The following PLA2G4A variants were observed in gnomAD, a reference collection of about 807,000 sequenced individuals.
PLA2G4A encodes the protein phospholipase A2 group IVA.
In PLA2G4A, 40 loss-of-function variants were observed where a neutral mutation model predicts 81.9. The ratio of observed to expected loss-of-function variants is 0.49; its 90% CI spans 0.38 to 0.64. The LOEUF (loss-of-function observed/expected upper bound fraction) is 0.64. PLA2G4A is among the 30% of genes least tolerant of loss of function. The pLI, the probability that PLA2G4A is intolerant of heterozygous loss-of-function variation, is 0.00. For missense variants in PLA2G4A, 715 were observed against 905.1 expected (o/e 0.79, Z 2.69); for synonymous variants, 302 against 296.9 (o/e 1.02, Z -0.18).
chr1:186,858,722 C>A (rs1182760468), intron 2 of PLA2G4A, among the ~76,000 whole-genome samples: 1 of 151,908 alleles, frequency 6.6e-6, no homozygotes, highest in Non-Finnish European at 1.5e-5. Flanking sequence ...TTATATTATA[C>A]CATATTACAA....
At chr1:186,891,877 T>A (rs1372492662) in intron 3 of PLA2G4A, among the ~76,000 whole-genome samples, 1 of 152,160 alleles carries the variant, frequency 6.6e-6, no homozygotes. Flanking sequence ...ACCTCCAAAT[T>A]ATTCTCCATA....
intron 2 of PLA2G4A, among the ~76,000 whole-genome samples, chr1:186,862,187 C>A (rs960549141): frequency 1.4e-5 from 2 of 147,698 alleles, no homozygotes; most frequent in African/African-American, 5.0e-5. Context: ...ATTGTAAATG[C>A]CTTTCTGACT....
In PLA2G4A at chr1:186,911,404, T is replaced by C. The variant is rs1421922075; in HGVS notation, c.558+15T>C. The C allele has an allele frequency of 1.3e-6, 2 of 1,583,140 alleles. No individual in the cohort carries two copies. Among genetic ancestry groups the C allele is most frequent in the Admixed American group, 1.7e-5 (1 of 59,974 alleles). ...CTGCACGTGATGTGAGTTGGAAATT[T>C]TTCAAGTGTTACTATACTTTAATAA... On this transcript the variant is annotated intron_variant, in intron 7 of 17. Transcript: ENST00000367466.
intron 17 of PLA2G4A, among the ~76,000 whole-genome samples, chr1:186,982,671 TTGTGTGTGTGTGCG>T (rs753547397): frequency 1.9e-4 from 29 of 150,782 alleles, no homozygotes; most frequent in Non-Finnish European, 3.4e-4. Flanking sequence ...TAACTCCTCT[TTGTGTGTGTGTGCG>T]TGTGTGTGTG....
At position 186,858,307 on chromosome 1, in the gene PLA2G4A, C is replaced by T. The variant is rs145006013; in HGVS notation, c.33+3920C>T. ...TTTTTATGATTGTCATTCTAACTGG[C>T]GTGAGATGGTTTCTCATTGTGGTTT... On this transcript the variant is annotated intron_variant, in intron 2 of 17. Coordinates refer to ENST00000367466, the MANE Select transcript of PLA2G4A (RefSeq NM_024420.3). Among the ~76,000 whole-genome samples, 1,331 of 152,178 alleles carry T rather than the reference C, an allele frequency of 8.7e-3. 20 individuals are homozygous for T. Among genetic ancestry groups the T allele is most frequent in the African/African-American group, 0.028 (1,151 of 41,524 alleles).
chr1:186,966,758 A>T lies in PLA2G4A; in HGVS notation c.1764+1165A>T, dbSNP rs1190153792. On this transcript the variant is annotated intron_variant, in intron 15 of 17. Transcript: ENST00000367466. ...GTGTTATCTTTCTTGACTTCCACAT[A>T]TATGGTTAAAGTGCATAGGACTCAG... Among the ~76,000 whole-genome samples the T allele has an allele frequency of 3.3e-5, 5 of 152,188 alleles. No individual in the cohort carries two copies. The East Asian group carries it at 9.6e-4, about 29-fold the overall frequency.
chr1:186,920,040 G>A (rs961467347), intron 7 of PLA2G4A, among the ~76,000 whole-genome samples: 1 of 152,180 alleles, frequency 6.6e-6, no homozygotes, highest in Non-Finnish European at 1.5e-5. Flanking sequence ...CTATGAGCAC[G>A]GGGGCTTGGT....
chr1:186,836,780 A>G (rs1017860643), intron 1 of PLA2G4A, among the ~76,000 whole-genome samples: 3 of 152,254 alleles, frequency 2.0e-5, no homozygotes, highest in Non-Finnish European at 4.4e-5. Flanking sequence ...TGAATAAAGC[A>G]GGTATAGTTC....
At chr1:186,914,753 T>C (rs1655080425) in intron 7 of PLA2G4A, among the ~76,000 whole-genome samples, 1 of 152,184 alleles carries the variant, frequency 6.6e-6, no homozygotes, top group African/African-American at 2.4e-5. Flanking sequence ...GGATTTCATT[T>C]CTGCCTTTTA....
At chr1:186,974,409 C>T (rs906886497) in intron 15 of PLA2G4A, among the ~76,000 whole-genome samples, 2 of 151,976 alleles carry the variant, frequency 1.3e-5, no homozygotes, top group African/African-American at 2.4e-5. Flanking sequence ...GCAGGAGAAT[C>T]GATTGAACCT....
intron 5 of PLA2G4A, among the ~76,000 whole-genome samples, chr1:186,901,978 G>A (rs1199962791): frequency 6.6e-6 from 1 of 152,140 alleles, no homozygotes; most frequent in African/African-American, 2.4e-5. Context: ...TACATGCTGA[G>A]AAATGCATCC....
rs371101919 is a variant in PLA2G4A, at chr1:186,954,516, C to A, written c.1337-1586C>A. Among the ~76,000 whole-genome samples, 32 of 152,118 alleles carry A rather than the reference C, an allele frequency of 2.1e-4. No individual in the cohort carries two copies. The East Asian group carries it at 4.4e-3, about 21-fold the overall frequency. On this transcript the variant is annotated intron_variant, in intron 13 of 17. Transcript: ENST00000367466. ...TGATGAGTTGATGGGTGCAGCAAACCAACATGACACATGTATAGCTATGTA... is the reference window on the plus strand; with the variant it reads ...TGATGAGTTGATGGGTGCAGCAAACAAACATGACACATGTATAGCTATGTA...
intron 15 of PLA2G4A, among the ~76,000 whole-genome samples, chr1:186,973,564 T>C (rs886717371): frequency 2.6e-5 from 4 of 152,200 alleles, no homozygotes; most frequent in Non-Finnish European, 5.9e-5. Flanking sequence ...GTCACTCACA[T>C]TGAGAATCAG....
chr1:186,900,631 A>T (rs1654502914), intron 5 of PLA2G4A, among the ~76,000 whole-genome samples: 1 of 152,196 alleles, frequency 6.6e-6, no homozygotes, highest in South Asian at 2.1e-4. Context: ...GCCCATTTTA[A>T]AGTGGGAAGG....
chr1:186,942,884 G>T (rs12073712), intron 10 of PLA2G4A, among the ~76,000 whole-genome samples: 46,456 of 151,960 alleles, frequency 0.31, 9,638 homozygotes, highest in African/African-American at 0.58. Flanking sequence ...CATAAGGCGG[G>T]TTGAGCTGTG....
intron 8 of PLA2G4A, among the ~76,000 whole-genome samples, chr1:186,937,561 GT>G (rs879402606): frequency 0.017 from 2,508 of 149,106 alleles, 33 homozygotes; most frequent in Middle Eastern, 0.046. Context: ...ATCATTTAAA[GT>G]TTTTTTTTTC....
At position 186,857,587 on chromosome 1, in the gene PLA2G4A, A is replaced by ATTTTTATATT. The variant is rs1652637168; in HGVS notation, c.33+3202_33+3203insTTTATATTTT. Among the ~76,000 whole-genome samples, 8 of 144,580 alleles carry ATTTTTATATT rather than the reference A, an allele frequency of 5.5e-5. No homozygotes were observed. The South Asian group carries it at 1.7e-3, about 30-fold the overall frequency. 94.9% of individuals were successfully genotyped at this position (144,580 alleles called of 152,430 possible). ...TAATATTAATATAAATATAAAATAT[A>ATTTTTATATT]TTATATATATTTAGTTTTTACATTT... On this transcript the variant is annotated intron_variant, in intron 2 of 17. Coordinates refer to ENST00000367466, the MANE Select transcript of PLA2G4A (RefSeq NM_024420.3).
At chr1:186,864,654 T>TATC (rs1652948121) in intron 2 of PLA2G4A, among the ~76,000 whole-genome samples, 1 of 150,504 alleles carries the variant, frequency 6.6e-6, no homozygotes, top group Non-Finnish European at 1.5e-5. Flanking sequence ...AGATTATTAT[T>TATC]ATTATTATTA....
intron 5 of PLA2G4A, among the ~76,000 whole-genome samples, chr1:186,898,034 G>T (rs981232060): frequency 7.9e-5 from 12 of 151,996 alleles, no homozygotes; most frequent in Non-Finnish European, 1.5e-4. Flanking sequence ...CCAATGTTTA[G>T]CTTGCACTTA....
Sources: allele counts gnomAD v4.1 joint callset (sites outside exome capture counted in the v4.1 genomes callset), GRCh38; gene constraint gnomAD v4.1.1; transcripts MANE v1.5; gene names NCBI Gene and HGNC (gene_info 2026-07-23, HGNC 2026-07-21).